The following MIB1 variants were observed in gnomAD, a reference collection of about 807,000 sequenced individuals.
MIB1 encodes the protein MIB E3 ubiquitin protein ligase 1, also known as E3 ubiquitin-protein ligase MIB1.
In MIB1, 278 loss-of-function variants were observed where a neutral mutation model predicts 124.5. The ratio of observed to expected loss-of-function variants is 2.23; its 90% CI spans 2.02 to 2.47. The LOEUF (loss-of-function observed/expected upper bound fraction) is 2.47. Ranked by LOEUF, MIB1 falls within the 30% of genes most tolerant of loss-of-function variation. The probability of loss-of-function intolerance (pLI) is 0.00; values close to 1 mark genes in which losing one functional copy is unlikely to be tolerated. For missense variants in MIB1, 957 were observed against 1,254.4 expected, an observed-to-expected ratio of 0.76 and a Z score of 3.58; for synonymous variants, 446 against 429.4, an observed-to-expected ratio of 1.04 and a Z score of -0.48.
chr18:21,774,518 G>T (rs184596193), intron 4 of MIB1, among the ~76,000 whole-genome samples: 1 of 152,184 alleles, frequency 6.6e-6, no homozygotes, highest in Admixed American at 6.5e-5. Flanking sequence ...AACCACGAGG[G>T]TCGGGGTGCA....
At chr18:21,765,674 C>G (rs1455450482) in intron 1 of MIB1, 98 bp from the exon 2 acceptor site, 2 of 1,157,624 alleles carry the variant, frequency 1.7e-6, no homozygotes, top group East Asian at 5.1e-5. Flanking sequence ...ATTAGAATAT[C>G]TTGTAAAATG....
At chr18:21,733,748 C>T (rs2040782748) in intron 1 of MIB1, among the ~76,000 whole-genome samples, 3 of 152,072 alleles carry the variant, frequency 2.0e-5, no homozygotes, top group Admixed American at 2.0e-4. Context: ...TCTTGTCACC[C>T]AGGCTGGAGT....
intron 1 of MIB1, among the ~76,000 whole-genome samples, chr18:21,735,276 C>T (rs1414077755): frequency 6.6e-6 from 1 of 152,168 alleles, no homozygotes; most frequent in Non-Finnish European, 1.5e-5. Flanking sequence ...CAGTGGATCT[C>T]CCTCCCCAAG....
At chr18:21,836,162 G>T (rs1252123357) in intron 12 of MIB1, among the ~76,000 whole-genome samples, 1 of 152,014 alleles carries the variant, frequency 6.6e-6, no homozygotes, top group Non-Finnish European at 1.5e-5. Flanking sequence ...GCTAAGGCAG[G>T]AGGATCATTT....
intron 12 of MIB1, among the ~76,000 whole-genome samples, chr18:21,821,681 C>T (rs1160416696): frequency 4.6e-5 from 7 of 151,496 alleles, no homozygotes; most frequent in Non-Finnish European, 8.8e-5. Context: ...TCACTGCAAG[C>T]TCTGCCTCCT....
chr18:21,829,870 T>G (rs1465244547), intron 12 of MIB1, among the ~76,000 whole-genome samples: 1 of 152,136 alleles, frequency 6.6e-6, no homozygotes, highest in African/African-American at 2.4e-5. Flanking sequence ...AATCGTCAAC[T>G]TTTAGAAAGT....
intron 1 of MIB1, among the ~76,000 whole-genome samples, chr18:21,733,690 T>C (rs1267299510): frequency 6.6e-6 from 1 of 152,174 alleles, no homozygotes; most frequent in Non-Finnish European, 1.5e-5. Context: ...CTACATCATC[T>C]CGTCCTTTCT....
chr18:21,733,317 G>A (rs2040780866), intron 1 of MIB1, among the ~76,000 whole-genome samples: 1 of 152,030 alleles, frequency 6.6e-6, no homozygotes, highest in Non-Finnish European at 1.5e-5. Context: ...TTTTTGTGGG[G>A]GTTCATACTT....
chr18:21,793,024 G>A (rs2041524572), intron 7 of MIB1, among the ~76,000 whole-genome samples: 1 of 152,214 alleles, frequency 6.6e-6, no homozygotes. Context: ...ATATGAATGA[G>A]TAGAGATAAA....
intron 1 of MIB1, among the ~76,000 whole-genome samples, chr18:21,705,967 A>G (rs1340821305): frequency 6.6e-6 from 1 of 152,222 alleles, no homozygotes; most frequent in African/African-American, 2.4e-5. Context: ...ACGTGAATGC[A>G]TATGCTGGTT....
intron 1 of MIB1, among the ~76,000 whole-genome samples, chr18:21,757,678 G>A (rs911829652): frequency 1.3e-5 from 2 of 150,602 alleles, no homozygotes; most frequent in Non-Finnish European, 3.0e-5. Flanking sequence ...TAGAGACAGG[G>A]TTTCACCATG....
Position 21,847,023 on chromosome 18 carries a change from C to G in MIB1, c.2291C>G (p.Ala764Gly). 1 of 1,614,160 alleles carries G rather than the reference C, an allele frequency of 6.2e-7. No individual in the cohort carries two copies. Among genetic ancestry groups the G allele is most frequent in the Non-Finnish European group, 8.5e-7 (1 of 1,180,018 alleles). ...SIACFLAANG[A>G]DLSIRNKKGQ... Reference sequence around the variant, plus strand: ...GCCTGTTTCTTGGCAGCCAATGGTGCTGACCTGAGCATTCGAAATAAGAAG... The same window carrying G: ...GCCTGTTTCTTGGCAGCCAATGGTGGTGACCTGAGCATTCGAAATAAGAAG... Residue 764 changes from alanine to glycine, a missense_variant, in exon 16 of 21, where the codon GCT (alanine) becomes GGT (glycine). Physicochemically the swap from Ala to Gly is moderately conservative, Grantham distance 60. Transcript: ENST00000261537.
chr18:21,795,303 T>C (rs895377932), intron 7 of MIB1, among the ~76,000 whole-genome samples: 24 of 129,384 alleles, frequency 1.9e-4, no homozygotes, highest in Admixed American at 3.1e-4. Flanking sequence ...ATATAATATA[T>C]AAATATATAT....
At chr18:21,738,865 A>C (rs1481917506), upstream of MIB1, among the ~76,000 whole-genome samples, 8 of 139,404 alleles carry the variant, frequency 5.7e-5, no homozygotes, top group Non-Finnish European at 1.2e-4. Context: ...AAAAAAAAAA[A>C]AACCAACAAA....
chr18:21,847,676 C>G (rs1461668739), intron 16 of MIB1, among the ~76,000 whole-genome samples: 1 of 152,014 alleles, frequency 6.6e-6, no homozygotes. Context: ...AACTTATACT[C>G]CATGAACAGG....
At position 21,867,135 on chromosome 18, in the gene MIB1, GTATT is replaced by G. The variant is rs1307182317; in HGVS notation, c.*2474_*2477del. On this transcript the variant is annotated 3_prime_UTR_variant, in exon 21 of 21. Coordinates refer to ENST00000261537, the MANE Select transcript of MIB1 (RefSeq NM_020774.4). ...AACTGACACGCATTCATTCAAAAAA[GTATT>G]TATTGGGCTTTAGGGATTAGATACA... The G allele has an allele frequency of 1.3e-5, 2 of 152,452 alleles. No homozygotes were observed. Among genetic ancestry groups the G allele is most frequent in the Admixed American group, 1.3e-4 (2 of 15,264 alleles). The allele number at this position is 152,452 out of a possible 1,614,324, so 9.4% of individuals were successfully genotyped here.
At chr18:21,769,046 C>A (rs1422067462) in intron 3 of MIB1, among the ~76,000 whole-genome samples, 1 of 152,178 alleles carries the variant, frequency 6.6e-6, no homozygotes, top group Non-Finnish European at 1.5e-5. Flanking sequence ...CCTCCCTAAG[C>A]AGTATCTCAT....
At chr18:21,840,411 A>G (rs2042072560) in intron 13 of MIB1, among the ~76,000 whole-genome samples, 1 of 152,004 alleles carries the variant, frequency 6.6e-6, no homozygotes, top group East Asian at 1.9e-4. Flanking sequence ...CCAAAAACAA[A>G]AAAACCCAAA....
At chr18:21,846,405 T>C (rs960030065) in intron 15 of MIB1, among the ~76,000 whole-genome samples, 2 of 152,248 alleles carry the variant, frequency 1.3e-5, no homozygotes, top group African/African-American at 4.8e-5. Flanking sequence ...TTAACAGTTA[T>C]TGTGACTATT....
Sources: gnomAD v4.1 joint callset for allele counts (sites outside exome capture counted in the v4.1 genomes callset) on GRCh38, gnomAD v4.1.1 for gene constraint, MANE v1.5 for transcripts, NCBI Gene and HGNC (gene_info 2026-07-23, HGNC 2026-07-21) for gene names.